The following FAR2 variants were observed in gnomAD, a reference collection of about 807,000 sequenced individuals.
FAR2 encodes epididymis secretory protein Li 81.
In FAR2, 19 loss-of-function variants were observed where a neutral mutation model predicts 56.0. That is an observed-to-expected ratio of 0.34 (90% CI 0.24 to 0.50). The LOEUF (loss-of-function observed/expected upper bound fraction) is 0.50, where lower values mean the gene tolerates loss of function less well. Among genes scored for constraint, FAR2 ranks in the 20% least tolerant of loss-of-function variants. FAR2 has a pLI of 0.98. For synonymous variants in FAR2, 219 were observed against 218.8 expected (o/e 1.00, Z -0.01); for missense variants, 508 against 642.2 (o/e 0.79, Z 2.26).
At chr12:29,174,972 A>T (rs980198131) in intron 1 of FAR2, among the ~76,000 whole-genome samples, 2 of 152,110 alleles carry the variant, frequency 1.3e-5, no homozygotes, top group Non-Finnish European at 2.9e-5. Flanking sequence ...GAGATGTGGA[A>T]CCTGGTTCCA....
At chr12:29,214,793 C>A (rs1002442045) in intron 1 of FAR2, among the ~76,000 whole-genome samples, 1 of 151,398 alleles carries the variant, frequency 6.6e-6, no homozygotes, top group Non-Finnish European at 1.5e-5. Context: ...TGCATTCCAG[C>A]CTGGGCAACA....
At chr12:29,234,365 A>C (rs1189976082) in intron 1 of FAR2, among the ~76,000 whole-genome samples, 2 of 152,148 alleles carry the variant, frequency 1.3e-5, no homozygotes, top group Non-Finnish European at 2.9e-5. Context: ...TTAAGCAGAA[A>C]CCAGGAAGTC....
intron 4 of FAR2, chr12:29,301,555 G>C (rs1189628055): frequency 6.6e-6 from 1 of 152,184 alleles, no homozygotes; most frequent in Non-Finnish European, 1.5e-5. Context: ...TCCTCTTAGG[G>C]AAAGCAGTGT....
chr12:29,326,794 T>C (rs528390811), intron 10 of FAR2, among the ~76,000 whole-genome samples: 1 of 152,180 alleles, frequency 6.6e-6, no homozygotes, highest in South Asian at 2.1e-4. Context: ...ACAGCCAATA[T>C]CATACTGAAT....
At chr12:29,292,105 G>A (rs1261250532) in intron 2 of FAR2, 1 of 152,202 alleles carries the variant, frequency 6.6e-6, no homozygotes, top group African/African-American at 2.4e-5. Context: ...TCTTGGTGCT[G>A]TTCAACGTTG....
chr12:29,332,634 T>C lies in FAR2; in HGVS notation c.1292T>C (p.Leu431Ser). 6.2e-7 allele frequency: 1 copy of C among 1,613,742 alleles called. No homozygotes were observed. The highest frequency in any genetic ancestry group is 8.5e-7 in the Non-Finnish European group (1 of 1,179,742). ...TTTGACGTGCGCCAGTTGAACTGGTTGGAATACATTGAAAATTATGTTTTG... is the reference window on the plus strand; with the variant it reads ...TTTGACGTGCGCCAGTTGAACTGGTCGGAATACATTGAAAATTATGTTTTG... ...FNFDVRQLNW[L>S]EYIENYVLGV... The change falls in exon 11 of 12, where the codon TTG becomes TCG. Residue 431 changes from leucine to serine, a missense_variant. Coordinates refer to ENST00000536681, the MANE Select transcript of FAR2 (RefSeq NM_001271783.2).
At chr12:29,242,297 A>G (rs1251830558) in intron 1 of FAR2, among the ~76,000 whole-genome samples, 1 of 152,218 alleles carries the variant, frequency 6.6e-6, no homozygotes, top group Non-Finnish European at 1.5e-5. Flanking sequence ...TGACCTCTGA[A>G]CAGCATTATA....
intron 1 of FAR2, among the ~76,000 whole-genome samples, chr12:29,233,469 A>G (rs1270876682): frequency 6.6e-6 from 1 of 152,302 alleles, no homozygotes; most frequent in East Asian, 1.9e-4. Context: ...TCAAAAGAAA[A>G]TAGTAGCCTT....
At chr12:29,310,036 G>A (rs1949321647) in intron 6 of FAR2, 1 of 152,198 alleles carries the variant, frequency 6.6e-6, no homozygotes, top group Non-Finnish European at 1.5e-5. Flanking sequence ...ATATGAGACA[G>A]TGAATTATAA....
intron 2 of FAR2, among the ~76,000 whole-genome samples, chr12:29,285,754 A>G (rs564911670): frequency 6.6e-6 from 1 of 152,110 alleles, no homozygotes; most frequent in East Asian, 1.9e-4. Context: ...CCCCGTCTCT[A>G]CTAAAAATAC....
intron 1 of FAR2, among the ~76,000 whole-genome samples, chr12:29,267,381 A>G (rs1948535848): frequency 6.6e-6 from 1 of 152,222 alleles, no homozygotes; most frequent in African/African-American, 2.4e-5. Context: ...TTACCACAGC[A>G]CTATTAAGTG....
chr12:29,182,819 G>C (rs894869985), intron 1 of FAR2, among the ~76,000 whole-genome samples: 1 of 152,114 alleles, frequency 6.6e-6, no homozygotes, highest in African/African-American at 2.4e-5. Flanking sequence ...ACCCTGAGCA[G>C]CATAAGGGTT....
intron 9 of FAR2, 39 bp from the exon 10 acceptor site, chr12:29,321,752 AAGTG>A: frequency 6.2e-7 from 1 of 1,603,150 alleles, no homozygotes; most frequent in Non-Finnish European, 8.5e-7. Context: ...AGTGACAGGG[AAGTG>A]GTGCGCTGAT....
intron 1 of FAR2, among the ~76,000 whole-genome samples, chr12:29,221,348 T>C (rs940192174): frequency 1.3e-5 from 2 of 152,128 alleles, no homozygotes; most frequent in South Asian, 4.1e-4. Flanking sequence ...CTGACATTCC[T>C]GGTCGGGGCG....
intron 3 of FAR2, among the ~76,000 whole-genome samples, 176 bp from the exon 4 acceptor site, chr12:29,296,845 A>G (rs1325511224): frequency 1.3e-5 from 2 of 152,252 alleles, no homozygotes; most frequent in Non-Finnish European, 2.9e-5. Context: ...TCATCACTAC[A>G]TAAAACATTC....
chr12:29,194,821 G>C (rs1467066836), intron 1 of FAR2, among the ~76,000 whole-genome samples: 1 of 152,058 alleles, frequency 6.6e-6, no homozygotes, highest in East Asian at 1.9e-4. Flanking sequence ...GAAGATGGAA[G>C]GGTTAGGCTG....
chr12:29,159,197 A>G (rs1009327694), intron 1 of FAR2, among the ~76,000 whole-genome samples: 10 of 152,164 alleles, frequency 6.6e-5, no homozygotes, highest in African/African-American at 2.4e-4. Flanking sequence ...AACTAGCCCC[A>G]GTCAATGACT....
chr12:29,267,563 C>T (rs1380611153), intron 1 of FAR2, among the ~76,000 whole-genome samples: 1 of 152,156 alleles, frequency 6.6e-6, no homozygotes, highest in Non-Finnish European at 1.5e-5. Flanking sequence ...AACTTGGGGA[C>T]ACTACTTTTC....
At chr12:29,173,206 C>T (rs970746358) in intron 1 of FAR2, among the ~76,000 whole-genome samples, 6 of 152,140 alleles carry the variant, frequency 3.9e-5, no homozygotes, top group Admixed American at 6.5e-5. Context: ...GAGAAGGGGA[C>T]GTGTACCCGG....
Sources: gnomAD v4.1 joint callset for allele counts (sites outside exome capture counted in the v4.1 genomes callset) on GRCh38, gnomAD v4.1.1 for gene constraint, MANE v1.5 for transcripts, NCBI Gene and HGNC (gene_info 2026-07-23, HGNC 2026-07-21) for gene names.